The following FMN2 variants were observed in gnomAD, a reference collection of about 807,000 sequenced individuals.
FMN2 encodes formin 2.
A neutral mutation model predicts 142.3 loss-of-function variants in FMN2; 51 were observed. The ratio of observed to expected loss-of-function variants is 0.36; its 90% CI spans 0.29 to 0.45. FMN2 has a LOEUF of 0.45. Among genes scored for constraint, FMN2 ranks in the 20% least tolerant of loss-of-function variants. The probability of loss-of-function intolerance (pLI) is 1.00; values close to 1 mark genes in which losing one functional copy is unlikely to be tolerated. For missense variants in FMN2, 1,936 were observed against 2,122.8 expected (o/e 0.91, Z 1.73); for synonymous variants, 882 against 869.8 (o/e 1.01, Z -0.25).
At chr1:240,305,721 G>T (rs2102979410) in intron 8 of FMN2, among the ~76,000 whole-genome samples, 1 of 152,196 alleles carries the variant, frequency 6.6e-6, no homozygotes, top group Admixed American at 6.5e-5. Context: ...TGTCTATTGT[G>T]TATTTTTAAT....
At chr1:240,283,634 G>C (rs1669489344) in intron 7 of FMN2, among the ~76,000 whole-genome samples, 1 of 152,092 alleles carries the variant, frequency 6.6e-6, no homozygotes, top group Non-Finnish European at 1.5e-5. Context: ...CCTGCTATTA[G>C]GCTCTTAAAA....
intron 8 of FMN2, among the ~76,000 whole-genome samples, chr1:240,306,113 C>CTAA (rs1670388962): frequency 6.6e-6 from 1 of 151,940 alleles, no homozygotes; most frequent in Non-Finnish European, 1.5e-5. Context: ...CCATGCCCAG[C>CTAA]TAATTTTTGT....
At chr1:240,218,181 G>A (rs901611748) in intron 6 of FMN2, among the ~76,000 whole-genome samples, 1 of 150,794 alleles carries the variant, frequency 6.6e-6, no homozygotes, top group African/African-American at 2.4e-5. Flanking sequence ...TACTCAGGAG[G>A]CTGATGCAGG....
At chr1:240,202,416 G>A (rs1666159941) in intron 4 of FMN2, among the ~76,000 whole-genome samples, 1 of 152,090 alleles carries the variant, frequency 6.6e-6, no homozygotes, top group South Asian at 2.1e-4. Context: ...CTGTGATGTG[G>A]GGCAGAAATC....
At chr1:240,332,063 C>A (rs1052525269) in intron 11 of FMN2, among the ~76,000 whole-genome samples, 1 of 152,140 alleles carries the variant, frequency 6.6e-6, no homozygotes, top group African/African-American at 2.4e-5. Flanking sequence ...CAAATTAATA[C>A]AGATATTCAT....
chr1:240,279,294 A>G (rs887094385), intron 7 of FMN2, among the ~76,000 whole-genome samples: 5 of 152,326 alleles, frequency 3.3e-5, no homozygotes, highest in African/African-American at 1.2e-4. Context: ...TGAGAAGAGG[A>G]CAGATACATC....
chr1:240,211,227 G>T lies in FMN2; in HGVS notation c.4057G>T (p.Ala1353Ser). The stretch of plus-strand genomic sequence containing the variant: ...CTCTGATACTATCTCAAAGACGAAG[G>T]CTAAACAAGTGAGTATTTTTGTGCT... ...PISDTISKTK[A>S]KQVVKLLSNK... The change falls in exon 6 of 18, where the codon GCT becomes TCT. Residue 1353 changes from alanine to serine, a missense_variant. This residue lies in a region of FMN2 where 259 missense variants were observed against 230.9 expected (regional missense o/e 1.12). Transcript: ENST00000319653. 1 of 1,611,490 alleles carries T rather than the reference G, an allele frequency of 6.2e-7. No individual in the cohort carries two copies. Among genetic ancestry groups the T allele is most frequent in the Non-Finnish European group, 8.5e-7 (1 of 1,179,446 alleles).
intron 8 of FMN2, among the ~76,000 whole-genome samples, chr1:240,295,398 A>G (rs1669938739): frequency 6.6e-6 from 1 of 152,226 alleles, no homozygotes; most frequent in South Asian, 2.1e-4. Flanking sequence ...GAAGTTATTC[A>G]TCTTATAACT....
At chr1:240,265,925 T>TG (rs1274892802) in intron 7 of FMN2, among the ~76,000 whole-genome samples, 2 of 151,038 alleles carry the variant, frequency 1.3e-5, no homozygotes, top group Admixed American at 1.3e-4. Context: ...TTGTTTTTTT[T>TG]TTTTTTTCCT....
At chr1:240,192,267 T>TTGTGGA (rs1235804889) in intron 4 of FMN2, among the ~76,000 whole-genome samples, 1 of 152,172 alleles carries the variant, frequency 6.6e-6, no homozygotes, top group Non-Finnish European at 1.5e-5. Flanking sequence ...TGGAGTAGCC[T>TTGTGGA]TGTGGATGGT....
intron 2 of FMN2, among the ~76,000 whole-genome samples, chr1:240,165,970 G>A (rs995552161): frequency 4.3e-4 from 66 of 151,912 alleles, no homozygotes; most frequent in African/African-American, 1.6e-3. Flanking sequence ...CCTGTAGGGT[G>A]TTGAGGGGTG....
chr1:240,229,674 A>G (rs1337716199), intron 6 of FMN2, among the ~76,000 whole-genome samples: 1 of 151,998 alleles, frequency 6.6e-6, no homozygotes, highest in African/African-American at 2.4e-5. Context: ...TTATTTTTTT[A>G]AGAGACAGAG....
chr1:240,168,559 A>G (rs528134311), intron 2 of FMN2, among the ~76,000 whole-genome samples: 1 of 152,342 alleles, frequency 6.6e-6, no homozygotes, highest in South Asian at 2.1e-4. Flanking sequence ...ACTGCACTTC[A>G]GCCTGGGCCA....
At chr1:240,290,048 T>G (rs1248827321) in intron 7 of FMN2, among the ~76,000 whole-genome samples, 1 of 152,194 alleles carries the variant, frequency 6.6e-6, no homozygotes, top group Non-Finnish European at 1.5e-5. Flanking sequence ...TGTCCAAGGA[T>G]AGACACCTGC....
intron 3 of FMN2, among the ~76,000 whole-genome samples, chr1:240,184,236 CTTTTTTTTT>C (rs34050336): frequency 7.6e-5 from 6 of 79,438 alleles, no homozygotes; most frequent in African/African-American, 2.0e-4. Flanking sequence ...AATATTTAAC[CTTTTTTTTT>C]TTTTTTTTTT....
intron 6 of FMN2, among the ~76,000 whole-genome samples, chr1:240,216,964 T>A (rs1666927817): frequency 1.3e-5 from 2 of 151,780 alleles, no homozygotes; most frequent in Admixed American, 1.3e-4. Flanking sequence ...AAAAAAAAGT[T>A]ATAAAAATGT....
intron 6 of FMN2, among the ~76,000 whole-genome samples, chr1:240,257,433 A>G (rs1273274795): frequency 1.3e-5 from 2 of 152,226 alleles, no homozygotes; most frequent in Admixed American, 1.3e-4. Context: ...TATGTGACCC[A>G]AGTGAAAGCA....
At chr1:240,148,227 GACAGAGACCGAGAGAGACAA>G (rs1663575494) in intron 2 of FMN2, among the ~76,000 whole-genome samples, 2 of 48,368 alleles carry the variant, frequency 4.1e-5, no homozygotes, top group South Asian at 3.1e-3. Flanking sequence ...GAGACAGAGA[GACAGAGACCGAGAGAGACAA>G]ACAGAGATAG....
At chr1:240,404,925 GATAATT>G (rs1674098798) in intron 15 of FMN2, among the ~76,000 whole-genome samples, 1 of 152,146 alleles carries the variant, frequency 6.6e-6, no homozygotes, top group Non-Finnish European at 1.5e-5. Context: ...AGTCTTGGTT[GATAATT>G]ATAAGAGAAA....
Sources: gnomAD v4.1 joint callset for allele counts (sites outside exome capture counted in the v4.1 genomes callset) on GRCh38, gnomAD v4.1.1 for gene constraint, gnomAD v4.1.1 regional missense constraint, MANE v1.5 for transcripts, NCBI Gene and HGNC (gene_info 2026-07-23, HGNC 2026-07-21) for gene names.